SLC20A1: variants seen among roughly 807,000 people sequenced by gnomAD.
SLC20A1 encodes sodium-dependent phosphate transporter 1.
A neutral mutation model predicts 62.7 loss-of-function variants in SLC20A1; 28 were observed. The observed-to-expected ratio is 0.45, with a 90% confidence interval of 0.33 to 0.61. The LOEUF is 0.61. Ranked by LOEUF, SLC20A1 falls within the 20% of genes least tolerant of loss-of-function variation. The pLI, the probability that SLC20A1 is intolerant of heterozygous loss-of-function variation, is 0.02. For missense variants in SLC20A1, 673 were observed against 838.6 expected, an observed-to-expected ratio of 0.80 and a Z score of 2.44; for synonymous variants, 305 against 302.9, an observed-to-expected ratio of 1.01 and a Z score of -0.07.
At chr2:112,655,123 C>T (rs1475680971) in intron 5 of SLC20A1, among the ~76,000 whole-genome samples, 1 of 151,738 alleles carries the variant, frequency 6.6e-6, no homozygotes, top group Non-Finnish European at 1.5e-5. Context: ...TGTGCATCAC[C>T]ACGCCCAGCT....
rs763055033 is a variant in SLC20A1 at position 112,660,401 on chromosome 2, C to T, written c.1622C>T (p.Pro541Leu). 2.5e-6 allele frequency: 4 copies of T among 1,613,876 alleles called. No homozygotes were observed. The highest frequency in any genetic ancestry group is 2.5e-6 in the Non-Finnish European group (3 of 1,179,904). Residue 541 changes from proline to leucine, a missense_variant, in exon 9 of 11, where the codon CCT becomes CTT. By Grantham distance (98) the Pro-to-Leu change is moderately conservative. Transcript: ENST00000272542. ...GGNDVSNAIG[P>L]LVALYLVYDT... ...GTTTCTTCCAGCAATGCCATTGGGC[C>T]TCTGGTTGCTTTATATTTGGTTTAT... is the stretch of plus-strand genomic sequence containing the variant.
intron 4 of SLC20A1, among the ~76,000 whole-genome samples, chr2:112,650,418 C>T (rs1198479708): frequency 5.3e-5 from 8 of 151,634 alleles, no homozygotes; most frequent in African/African-American, 7.3e-5. Context: ...CTGCAACCTC[C>T]GCCTCTCGGG....
chr2:112,647,214 T>G (rs1686307662), intron 2 of SLC20A1, 52 bp downstream of exon 2: 1 of 1,586,890 alleles, frequency 6.3e-7, no homozygotes, highest in African/African-American at 1.4e-5. Context: ...CAAATTTGTA[T>G]CATGGGTGGT....
rs1158275445 is a variant in SLC20A1 at position 112,652,745 on chromosome 2, A to G, written c.605A>G (p.Tyr202Cys). Residue 202 changes from tyrosine (Y) to cysteine (C), a missense_variant, in exon 5 of 11, where the codon TAT (tyrosine) becomes TGT (cysteine). By Grantham distance (194) the Tyr-to-Cys change is radical. Transcript: ENST00000272542. ...PNGLRALPVF[Y>C]ACTVGINLFS... The stretch of plus-strand genomic sequence containing the variant: ...GGTTTGCGAGCTTTGCCAGTTTTCT[A>G]TGCCTGCACAGTTGGAATAAACCTC... 4 of 1,614,060 alleles carry G rather than the reference A, an allele frequency of 2.5e-6. No homozygotes were observed. Among genetic ancestry groups the G allele is most frequent in the Admixed American group, 1.7e-5 (1 of 59,994 alleles).
rs1322313113 is a variant in SLC20A1 at position 112,659,673 on chromosome 2, G to T, written c.1518G>T (p.Gln506His). The T allele has an allele frequency of 1.2e-6, 2 of 1,614,110 alleles. No homozygotes were observed. Among genetic ancestry groups the T allele is most frequent in the Admixed American group, 1.7e-5 (1 of 60,004 alleles). Residue 506 changes from glutamine (Q) to histidine (H), a missense_variant, in exon 8 of 11, where the codon CAG becomes CAT. By Grantham distance (24) the Gln-to-His change is conservative (BLOSUM62 0). Transcript: ENST00000272542. Reference sequence around the variant, plus strand: ...GCTCTCTAGAAGAATGGTATGACCAGGATAAGCCTGAAGTCTCTCTCCTCT... The same window carrying T: ...GCTCTCTAGAAGAATGGTATGACCATGATAAGCCTGAAGTCTCTCTCCTCT... ...SNGSLEEWYD[Q>H]DKPEVSLLFQ...
Position 112,652,806 on chromosome 2 carries a change from C to A in SLC20A1, c.658+8C>A. ...TGTATACTGGAGCACCGTGTAAGTA[C>A]CTATCAAAATATTTAAATGTGAATT... On this transcript the variant is annotated splice_region_variant and intron_variant, in intron 5 of 10. Coordinates refer to ENST00000272542, the MANE Select transcript of SLC20A1 (RefSeq NM_005415.5). 1 of 1,611,822 alleles carries A rather than the reference C, an allele frequency of 6.2e-7. No individual in the cohort carries two copies. Among genetic ancestry groups the A allele is most frequent in the Admixed American group, 1.7e-5 (1 of 60,012 alleles).
At chr2:112,650,842 T>C (rs1405063253) in intron 4 of SLC20A1, among the ~76,000 whole-genome samples, 1 of 152,020 alleles carries the variant, frequency 6.6e-6, no homozygotes, top group Non-Finnish European at 1.5e-5. Context: ...AAGTTGGTCT[T>C]GAACTTCTGG....
chr2:112,663,036 G>C lies in SLC20A1; in HGVS notation c.*11G>C, dbSNP rs747240381. Reference sequence around the variant, plus strand: ...ATCCTCAGAATGTGAAGCTGTTTGAGATTAAAATTTGTGTCAATGTTTGGG... The same window carrying C: ...ATCCTCAGAATGTGAAGCTGTTTGACATTAAAATTTGTGTCAATGTTTGGG... On this transcript the variant is annotated 3_prime_UTR_variant, in exon 11 of 11. Transcript: ENST00000272542. 6.2e-6 allele frequency: 10 copies of C among 1,613,646 alleles called. No homozygotes were observed. Among genetic ancestry groups the C allele is most frequent in the Non-Finnish European group, 8.5e-6 (10 of 1,179,778 alleles).
intron 5 of SLC20A1, chr2:112,653,004 A>G: frequency 7.9e-7 from 1 of 1,272,952 alleles, no homozygotes; most frequent in Non-Finnish European, 1.1e-6. Context: ...CAGATTCTAA[A>G]TCACTACAGA....
At chr2:112,660,355 A>G (rs1686714247) in intron 8 of SLC20A1, 32 bp from the exon 9 acceptor site, 1 of 1,601,672 alleles carries the variant, frequency 6.2e-7, no homozygotes. Flanking sequence ...TTCTGCCTGA[A>G]AAGTCACTTC....
chr2:112,646,420 C>G (rs370787898), intron 1 of SLC20A1, 143 bp from the exon 2 acceptor site: 1 of 152,368 alleles, frequency 6.6e-6, no homozygotes, highest in Non-Finnish European at 1.5e-5. Context: ...ACGTGCCTCT[C>G]CTTCTCGCGC....
rs555294876 is a variant in SLC20A1 at position 112,655,406 on chromosome 2, T to C, written c.659-1716T>C. On this transcript the variant is annotated intron_variant, in intron 5 of 10. Coordinates refer to ENST00000272542, the MANE Select transcript of SLC20A1 (RefSeq NM_005415.5). ...TGGGTTTATAGGTACATAACCTCAT[T>C]GTAAGTTGAGGAGCATCTGTGATTT... is the stretch of plus-strand genomic sequence containing the variant. Among the ~76,000 whole-genome samples, 48 of 152,214 alleles carry C rather than the reference T, an allele frequency of 3.2e-4. No homozygotes were observed. In the South Asian group the frequency reaches 9.3e-3, roughly 30 times the overall value.
intron 4 of SLC20A1, 180 bp from the exon 5 acceptor site, chr2:112,652,522 A>C: frequency 1.7e-6 from 1 of 593,614 alleles, no homozygotes; most frequent in South Asian, 2.1e-5. Context: ...TAGAAGTTGG[A>C]ATTAGCCTTC....
chr2:112,652,647 G>A (rs1450865702), intron 4 of SLC20A1, 55 bp from the exon 5 acceptor site: 1 of 1,400,846 alleles, frequency 7.1e-7, no homozygotes, highest in Non-Finnish European at 1.0e-6. Flanking sequence ...AGATTCTGTG[G>A]AAATGGGTTA....
At chr2:112,650,226 A>G (rs1220572503) in intron 4 of SLC20A1, among the ~76,000 whole-genome samples, 4 of 152,168 alleles carry the variant, frequency 2.6e-5, no homozygotes, top group Non-Finnish European at 5.9e-5. Flanking sequence ...TTTATGGATA[A>G]TCATATTACG....
intron 10 of SLC20A1, among the ~76,000 whole-genome samples, chr2:112,661,574 A>G (rs963523981): frequency 2.0e-5 from 3 of 151,510 alleles, no homozygotes; most frequent in Admixed American, 2.0e-4. Flanking sequence ...TATGAGTTGG[A>G]GTCTTGCTGT....
chr2:112,663,011 ATCC>A lies in SLC20A1; in HGVS notation c.2029_2031del (p.Leu677del), dbSNP rs1474861122. Reference sequence around the variant, plus strand: ...CATCATGGCAATCTTCAGATATGTCATCCTCAGAATGTGAAGCTGTTTGAGATT... The same window carrying A: ...CATCATGGCAATCTTCAGATATGTCATCAGAATGTGAAGCTGTTTGAGATT... On this transcript the variant is annotated inframe_deletion, in exon 11 of 11. Transcript: ENST00000272542. 2 of 1,613,996 alleles carry A rather than the reference ATCC, an allele frequency of 1.2e-6. No homozygotes were observed. Among genetic ancestry groups the A allele is most frequent in the African/African-American group, 2.7e-5 (2 of 74,920 alleles).
At chr2:112,652,477 T>G (rs1686468549) in intron 4 of SLC20A1, 1 of 567,628 alleles carries the variant, frequency 1.8e-6, no homozygotes, top group Non-Finnish European at 3.1e-6. Context: ...GTACAGTTAG[T>G]CTTGTTATTA....
At chr2:112,650,893 A>G (rs986845848) in intron 4 of SLC20A1, among the ~76,000 whole-genome samples, 5 of 152,262 alleles carry the variant, frequency 3.3e-5, no homozygotes, top group Middle Eastern at 3.4e-3. Flanking sequence ...AAGTGCTAGG[A>G]TTACAGACAG....
Sources: allele counts gnomAD v4.1 joint callset (sites outside exome capture counted in the v4.1 genomes callset), GRCh38; gene constraint gnomAD v4.1.1; transcripts MANE v1.5; gene names NCBI Gene and HGNC (gene_info 2026-07-23, HGNC 2026-07-21).